The following PPARG variants were observed in gnomAD, a reference collection of about 807,000 sequenced individuals.
The protein encoded by PPARG is peroxisome proliferator activated receptor gamma.
PPARG carries 17 observed loss-of-function variants against 39.2 expected under a neutral mutation model. That is an observed-to-expected ratio of 0.43 (90% CI 0.30 to 0.65). The LOEUF (loss-of-function observed/expected upper bound fraction) is 0.65, where lower values mean the gene tolerates loss of function less well. Among genes scored for constraint, PPARG ranks in the 30% least tolerant of loss-of-function variants. The probability of loss-of-function intolerance (pLI) is 0.13; values close to 1 mark genes in which losing one functional copy is unlikely to be tolerated. For missense variants in PPARG, 406 were observed against 585.9 expected (o/e 0.69, Z 3.17); for synonymous variants, 223 against 215.7 (o/e 1.03, Z -0.30).
chr3:12,382,763 G>T (rs1465961313), intron 4 of PPARG, among the ~76,000 whole-genome samples: 9 of 152,066 alleles, frequency 5.9e-5, no homozygotes, highest in Non-Finnish European at 1.2e-4. Flanking sequence ...TGAGCCCAGG[G>T]GTTCAAGACC....
In PPARG at chr3:12,343,609, GT is replaced by G. The variant is rs764568253; in HGVS notation, c.-9+31159del. 1.1e-4 allele frequency among the ~76,000 whole-genome samples: 16 copies of G among 152,256 alleles called. No homozygotes were observed. In the East Asian group the frequency reaches 2.5e-3, roughly 24 times the overall value. ...AATTACTCTAGTAATGGTCATGATT[GT>G]TTGCACTTCTCTCAAACCACCTACT... is the stretch of plus-strand genomic sequence containing the variant. On this transcript the variant is annotated intron_variant, in intron 2 of 7. Transcript: ENST00000651735.
intron 7 of PPARG, among the ~76,000 whole-genome samples, chr3:12,422,230 A>G (rs2051287974): frequency 6.6e-6 from 1 of 152,356 alleles, no homozygotes; most frequent in South Asian, 2.1e-4. Context: ...TGAAAGCTTC[A>G]GTATGTGGGA....
At chr3:12,349,758 T>G (rs1351580798) in intron 2 of PPARG, among the ~76,000 whole-genome samples, 1 of 152,162 alleles carries the variant, frequency 6.6e-6, no homozygotes, top group Non-Finnish European at 1.5e-5. Context: ...CAGAATGTGG[T>G]GGGTGCTATA....
At chr3:12,297,451 A>G (rs770062541) in intron 1 of PPARG, among the ~76,000 whole-genome samples, 2 of 152,194 alleles carry the variant, frequency 1.3e-5, no homozygotes, top group East Asian at 1.9e-4. Flanking sequence ...AATTACTTCT[A>G]TAATCAAAAG....
chr3:12,393,401 A>G (rs911137146), intron 5 of PPARG, among the ~76,000 whole-genome samples: 3 of 152,082 alleles, frequency 2.0e-5, no homozygotes, highest in African/African-American at 7.2e-5. Flanking sequence ...TTGGGTGTCA[A>G]CTTAAGGGAA....
At chr3:12,293,622 T>C (rs2046704788) in intron 1 of PPARG, among the ~76,000 whole-genome samples, 1 of 152,196 alleles carries the variant, frequency 6.6e-6, no homozygotes, top group South Asian at 2.1e-4. Flanking sequence ...TCTTAAAATA[T>C]AAGGTTGATT....
intron 1 of PPARG, among the ~76,000 whole-genome samples, chr3:12,294,764 G>A (rs1317057488): frequency 2.6e-5 from 4 of 152,204 alleles, no homozygotes; most frequent in Middle Eastern, 3.4e-3. Flanking sequence ...ATGGTGGCAC[G>A]TGCCTTTAAT....
intron 1 of PPARG, chr3:12,297,806 A>T (rs1411798753): frequency 2.0e-5 from 3 of 151,692 alleles, no homozygotes; most frequent in African/African-American, 7.3e-5. Flanking sequence ...TTCTCTCTTT[A>T]TTTTTTTCTA....
chr3:12,427,179 T>A lies in PPARG; in HGVS notation c.1181-6719T>A, dbSNP rs1485284533. On this transcript the variant is annotated intron_variant, in intron 7 of 7. Coordinates refer to ENST00000651735, the MANE Select transcript of PPARG (RefSeq NM_138711.6). ...CTATCGGTAGGATGGTGGGAAGGAATTGCTATAGGCCACACCATGATACTT... is the reference window on the plus strand; with the variant it reads ...CTATCGGTAGGATGGTGGGAAGGAAATGCTATAGGCCACACCATGATACTT... Among the ~76,000 whole-genome samples the A allele has an allele frequency of 6.0e-5, 3 of 49,742 alleles. No individual in the cohort carries two copies. The East Asian group carries it at 1.2e-3, about 19-fold the overall frequency. The allele number at this position is 49,742 out of a possible 152,430, so 32.6% of individuals were successfully genotyped here. A position where few individuals can be genotyped will look rare whatever the true frequency, so the allele number is the denominator to read the frequency against.
At position 12,433,900 on chromosome 3, in the gene PPARG, C is replaced by T. The variant is rs72551364; in HGVS notation, c.1183C>T (p.Arg395Cys). The change falls in exon 8 of 8, where the codon CGC (arginine) becomes TGC (cysteine). Residue 395 changes from arginine to cysteine, a missense_variant and splice_region_variant. This residue lies in a region of PPARG where 275 missense variants were observed against 458.0 expected (regional missense o/e 0.60). Transcript: ENST00000651735. ...GTTTTCCATATGTGCTTCCCCAGACCGCCCAGGTTTGCTGAATGTGAAGCC... is the reference window on the plus strand; with the variant it reads ...GTTTTCCATATGTGCTTCCCCAGACTGCCCAGGTTTGCTGAATGTGAAGCC... ...FIAVIILSGD[R>C]PGLLNVKPIE... 2 of 1,614,098 alleles carry T rather than the reference C, an allele frequency of 1.2e-6. No individual in the cohort carries two copies. The highest frequency in any genetic ancestry group is 1.7e-6 in the Non-Finnish European group (2 of 1,180,030).
chr3:12,359,296 T>C (rs999990454), intron 2 of PPARG, among the ~76,000 whole-genome samples: 3 of 151,952 alleles, frequency 2.0e-5, no homozygotes, highest in Non-Finnish European at 4.4e-5. Context: ...GAAAGAAAAA[T>C]GCCAAAGAAA....
intron 7 of PPARG, among the ~76,000 whole-genome samples, chr3:12,419,984 C>T (rs961932683): frequency 2.6e-5 from 4 of 152,008 alleles, no homozygotes; most frequent in Admixed American, 2.6e-4. Flanking sequence ...ATTGAGAGTA[C>T]AGAAAGGTAT....
chr3:12,307,419 G>A (rs2047103356), intron 1 of PPARG, among the ~76,000 whole-genome samples: 1 of 152,114 alleles, frequency 6.6e-6, no homozygotes, highest in African/African-American at 2.4e-5. Flanking sequence ...AAAGAGAATT[G>A]TAATTTGACA....
Position 12,417,027 on chromosome 3 carries a change from A to G in PPARG, c.1053A>G (p.Leu351=), listed in dbSNP as rs548043007. 4 of 1,613,282 alleles carry G rather than the reference A, an allele frequency of 2.5e-6. No homozygotes were observed. The highest frequency in any genetic ancestry group is 3.4e-6 in the Non-Finnish European group (4 of 1,179,482). Residue 351 remains leucine, a synonymous_variant, in exon 7 of 8, where the codon CTA becomes CTG. Coordinates refer to ENST00000651735, the MANE Select transcript of PPARG (RefSeq NM_138711.6). ...AAGGCTTCATGACAAGGGAGTTTCTAAAGAGCCTGCGAAAGCCTTTTGGTG... is the reference window on the plus strand; with the variant it reads ...AAGGCTTCATGACAAGGGAGTTTCTGAAGAGCCTGCGAAAGCCTTTTGGTG... ...EGQGFMTREF[L]KSLRKPFGDF...
chr3:12,418,892 C>T (rs1452485233), intron 7 of PPARG, among the ~76,000 whole-genome samples: 1 of 152,158 alleles, frequency 6.6e-6, no homozygotes, highest in African/African-American at 2.4e-5. Flanking sequence ...TCGTGATTCA[C>T]TTTAAAATAA....
intron 2 of PPARG, among the ~76,000 whole-genome samples, chr3:12,320,020 G>T (rs777385857): frequency 3.3e-5 from 5 of 152,086 alleles, no homozygotes; most frequent in Non-Finnish European, 7.4e-5. Flanking sequence ...ACCGGTACAC[G>T]CTAATCAGTG....
chr3:12,397,719 C>CT (rs1416555822), intron 5 of PPARG, among the ~76,000 whole-genome samples: 4 of 151,790 alleles, frequency 2.6e-5, no homozygotes, highest in Admixed American at 1.3e-4. Flanking sequence ...TAACCTATTC[C>CT]TTTTTTTTCT....
At chr3:12,356,643 A>G (rs1398047310) in intron 2 of PPARG, among the ~76,000 whole-genome samples, 2 of 152,198 alleles carry the variant, frequency 1.3e-5, no homozygotes, top group Non-Finnish European at 2.9e-5. Context: ...TATCAGTCTA[A>G]TAATATTTAT....
At chr3:12,299,722 TA>T (rs1287557960) in intron 1 of PPARG, among the ~76,000 whole-genome samples, 4 of 152,092 alleles carry the variant, frequency 2.6e-5, no homozygotes, top group Non-Finnish European at 5.9e-5. Flanking sequence ...TCAATTAATT[TA>T]AAAAAATTAT....
Sources: allele counts gnomAD v4.1 joint callset (sites outside exome capture counted in the v4.1 genomes callset), GRCh38; gene constraint gnomAD v4.1.1; regional missense constraint gnomAD v4.1.1; transcripts MANE v1.5; gene names NCBI Gene and HGNC (gene_info 2026-07-23, HGNC 2026-07-21).